Variants in VCL observed in about 807,000 individuals in gnomAD.
VCL encodes the protein epididymis luminal protein 114.
A neutral mutation model predicts 125.7 loss-of-function variants in VCL; 47 were observed. The ratio of observed to expected loss-of-function variants is 0.37; its 90% confidence interval spans 0.30 to 0.48. The LOEUF (loss-of-function observed/expected upper bound fraction) is 0.48. Among genes scored for constraint, VCL ranks in the 20% least tolerant of loss-of-function variants. The pLI is 0.99. For synonymous variants in VCL, 458 were observed against 514.6 expected (o/e 0.89, Z 1.49); for missense variants, 1,069 against 1,455.5 (o/e 0.73, Z 4.32).
intron 1 of VCL, among the ~76,000 whole-genome samples, chr10:74,023,834 G>A (rs1840719706): frequency 1.3e-5 from 2 of 152,210 alleles, no homozygotes; most frequent in African/African-American, 4.8e-5. Flanking sequence ...TGCTGGAGCT[G>A]GTTTACAGCT....
Position 74,018,633 on chromosome 10 carries a change from G to A in VCL, c.168+20258G>A, listed in dbSNP as rs113728046. 4.7e-3 allele frequency among the ~76,000 whole-genome samples: 719 copies of A among 152,236 alleles called. 4 individuals are homozygous for A. The highest frequency in any genetic ancestry group is 0.016 in the African/African-American group (656 of 41,546). On this transcript the variant is annotated intron_variant, in intron 1 of 21. Transcript: ENST00000211998. ...ATGGGGAAGCTTTAGTAATGAGACTGTTAAGGTGGATTGTGTCCCTTGTGA... is the reference window on the plus strand; with the variant it reads ...ATGGGGAAGCTTTAGTAATGAGACTATTAAGGTGGATTGTGTCCCTTGTGA...
chr10:74,057,924 T>C (rs1016890487), intron 2 of VCL, among the ~76,000 whole-genome samples: 38 of 152,152 alleles, frequency 2.5e-4, no homozygotes, highest in African/African-American at 7.7e-4. Flanking sequence ...AAGTTGATCA[T>C]GCAATTAAAA....
At chr10:74,046,237 G>A (rs1005209154) in intron 2 of VCL, among the ~76,000 whole-genome samples, 5 of 152,010 alleles carry the variant, frequency 3.3e-5, no homozygotes, top group Admixed American at 6.6e-5. Context: ...CATGCCATCC[G>A]ATCAGCCTGG....
intron 2 of VCL, among the ~76,000 whole-genome samples, chr10:74,047,250 T>A (rs1453337409): frequency 6.6e-6 from 1 of 152,182 alleles, no homozygotes; most frequent in Non-Finnish European, 1.5e-5. Context: ...TGAGCTGTCA[T>A]TATGCCACTG....
intron 13 of VCL, 89 bp from the exon 14 acceptor site, chr10:74,100,859 C>T: frequency 6.7e-7 from 1 of 1,496,310 alleles, no homozygotes; most frequent in South Asian, 1.1e-5. Flanking sequence ...TGAGCAGTTG[C>T]TGCCCTTCTT....
At chr10:74,004,438 G>C (rs1384017145) in intron 1 of VCL, among the ~76,000 whole-genome samples, 1 of 152,220 alleles carries the variant, frequency 6.6e-6, no homozygotes, top group Non-Finnish European at 1.5e-5. Context: ...ACTGTGGTCT[G>C]TTGTTCCAGA....
intron 4 of VCL, among the ~76,000 whole-genome samples, chr10:74,072,139 G>C (rs1158719778): frequency 2.0e-5 from 3 of 152,144 alleles, no homozygotes; most frequent in Admixed American, 2.0e-4. Flanking sequence ...TAAACAAAAA[G>C]TGCTAGCAGA....
At chr10:74,037,911 G>A (rs1841012881) in intron 1 of VCL, among the ~76,000 whole-genome samples, 1 of 152,212 alleles carries the variant, frequency 6.6e-6, no homozygotes, top group Non-Finnish European at 1.5e-5. Flanking sequence ...GCCACTAGCC[G>A]TAGGTGGCAA....
chr10:74,037,792 A>G (rs1371023863), intron 1 of VCL, among the ~76,000 whole-genome samples: 1 of 152,166 alleles, frequency 6.6e-6, no homozygotes, highest in Admixed American at 6.5e-5. Context: ...AAAGGAATAA[A>G]TGAAGGTTAT....
chr10:74,070,111 TTTTC>T (rs1320844376), intron 2 of VCL, among the ~76,000 whole-genome samples: 3 of 152,238 alleles, frequency 2.0e-5, no homozygotes, highest in Non-Finnish European at 4.4e-5. Context: ...GCCTCATACT[TTTTC>T]TTTGTGTTTC....
intron 2 of VCL, among the ~76,000 whole-genome samples, chr10:74,070,217 A>G (rs1591686387): frequency 6.6e-6 from 1 of 152,144 alleles, no homozygotes; most frequent in Admixed American, 6.5e-5. Context: ...AAAATGATCT[A>G]ACATTTCAGC....
intron 1 of VCL, among the ~76,000 whole-genome samples, chr10:74,037,112 G>A (rs1394776538): frequency 2.6e-5 from 4 of 151,962 alleles, no homozygotes; most frequent in African/African-American, 7.3e-5. Context: ...GGGTTTCACC[G>A]TGTTAGCCAC....
intron 1 of VCL, among the ~76,000 whole-genome samples, chr10:74,036,719 A>G (rs1840986625): frequency 1.3e-5 from 2 of 151,602 alleles, no homozygotes; most frequent in Non-Finnish European, 2.9e-5. Context: ...AAAAAAAAGT[A>G]AAAAAGAAGC....
intron 8 of VCL, among the ~76,000 whole-genome samples, chr10:74,088,745 C>G (rs750042446): frequency 6.6e-6 from 1 of 152,202 alleles, no homozygotes; most frequent in Admixed American, 6.5e-5. Context: ...GGTACACTTT[C>G]ATTAACACTA....
chr10:74,047,344 T>G (rs999620703), intron 2 of VCL, among the ~76,000 whole-genome samples: 5 of 152,342 alleles, frequency 3.3e-5, no homozygotes, highest in Admixed American at 6.5e-5. Context: ...ATGTTTGCTT[T>G]TCTTGTTTTT....
In VCL at chr10:74,112,022, G is replaced by C; in HGVS notation, c.2859G>C (p.Leu953=). 6.2e-7 allele frequency: 1 copy of C among 1,614,212 alleles called. No homozygotes were observed. The highest frequency in any genetic ancestry group is 2.2e-5 in the East Asian group (1 of 44,876). The change falls in exon 19 of 22, where the codon CTG becomes CTC. Residue 953 remains leucine, a synonymous_variant. Coordinates refer to ENST00000211998, the MANE Select transcript of VCL (RefSeq NM_014000.3). ...TGGAAGACGATTACGAACCTGAGCT[G>C]CTGTTAATGCCATCCAATCAGCCGG... ...PDMEDDYEPE[L]LLMPSNQPVN...
At chr10:74,021,699 C>T (rs1013136690) in intron 1 of VCL, among the ~76,000 whole-genome samples, 1 of 152,192 alleles carries the variant, frequency 6.6e-6, no homozygotes, top group Non-Finnish European at 1.5e-5. Flanking sequence ...GCAAATTCCT[C>T]AGTTAGTCTG....
At chr10:74,084,264 C>T (rs921848544) in intron 8 of VCL, among the ~76,000 whole-genome samples, 4 of 148,340 alleles carry the variant, frequency 2.7e-5, no homozygotes, top group African/African-American at 1.0e-4. Flanking sequence ...CCTGGCCTGA[C>T]TTTATTTAAA....
chr10:74,107,677 TAATCTGCAC>T (rs1840158921), intron 17 of VCL, among the ~76,000 whole-genome samples: 1 of 152,088 alleles, frequency 6.6e-6, no homozygotes, highest in Non-Finnish European at 1.5e-5. Context: ...TGTGGTAAAA[TAATCTGCAC>T]AGCTTGGAGT....
Sources: allele counts gnomAD v4.1 joint callset (sites outside exome capture counted in the v4.1 genomes callset), GRCh38; gene constraint gnomAD v4.1.1; transcripts MANE v1.5; gene names NCBI Gene and HGNC (gene_info 2026-07-23, HGNC 2026-07-21).